Variants in DIAPH2 observed in about 807,000 individuals in gnomAD.
The protein encoded by DIAPH2 is protein diaphanous homolog 2.
DIAPH2 carries 35 observed loss-of-function variants against 92.7 expected under a neutral mutation model. The ratio of observed to expected loss-of-function variants is 0.38; its 90% CI spans 0.29 to 0.50. DIAPH2 has a LOEUF of 0.50. Ranked by LOEUF, DIAPH2 falls within the 20% of genes least tolerant of loss-of-function variation. DIAPH2 has a pLI of 0.94. For synonymous variants in DIAPH2, 301 were observed against 280.4 expected (o/e 1.07, Z -0.73); for missense variants, 701 against 819.5 (o/e 0.86, Z 1.77).
chrX:97,234,163 A>G (rs2068028914), intron 22 of DIAPH2, among the ~76,000 whole-genome samples: 1 of 67,517 alleles, frequency 1.5e-5, no homozygotes, highest in African/African-American at 4.7e-5. Flanking sequence ...GTCTCTACTA[A>G]AAATACAAAA....
chrX:96,778,520 A>G (rs1229042282), intron 4 of DIAPH2, among the ~76,000 whole-genome samples: 2 of 110,860 alleles, frequency 1.8e-5, no homozygotes, highest in South Asian at 3.8e-4. Context: ...TCCTATATAA[A>G]CATAGTTTAA....
chrX:96,854,875 G>A (rs2065030220), intron 4 of DIAPH2, among the ~76,000 whole-genome samples: 1 of 107,317 alleles, frequency 9.3e-6, no homozygotes, highest in Non-Finnish European at 1.9e-5. Context: ...CTAAAGCTGT[G>A]GAAGGGTAAA....
chrX:97,593,479 A>G (rs2071530362), intron 26 of DIAPH2, among the ~76,000 whole-genome samples: 1 of 101,943 alleles, frequency 9.8e-6, no homozygotes, highest in Non-Finnish European at 2.0e-5. Flanking sequence ...AGTTACATGT[A>G]AAAAAAAAAA....
intron 4 of DIAPH2, among the ~76,000 whole-genome samples, chrX:96,866,556 C>T (rs943082601): frequency 2.7e-5 from 3 of 111,256 alleles, no homozygotes; most frequent in African/African-American, 9.8e-5. Context: ...GGCAGCAGAG[C>T]CCACTAACTG....
intron 17 of DIAPH2, among the ~76,000 whole-genome samples, chrX:97,048,059 T>C (rs950554726): frequency 1.1e-4 from 12 of 111,156 alleles, no homozygotes; most frequent in Non-Finnish European, 2.3e-4. Flanking sequence ...AAAGACCAGT[T>C]ATACATTACC....
At chrX:97,082,475 T>C in intron 19 of DIAPH2, among the ~76,000 whole-genome samples, 1 of 93,283 alleles carries the variant, frequency 1.1e-5, no homozygotes, top group Non-Finnish European at 2.2e-5. Flanking sequence ...AAAAAAAAAA[T>C]ACAAAAATTA....
intron 26 of DIAPH2, among the ~76,000 whole-genome samples, chrX:97,570,112 A>G (rs1420762977): frequency 6.3e-5 from 2 of 31,863 alleles, no homozygotes; most frequent in African/African-American, 1.0e-4. Flanking sequence ...ATATATATAT[A>G]TATATATATA....
At chrX:97,404,856 A>T (rs1484323737) in intron 25 of DIAPH2, among the ~76,000 whole-genome samples, 1 of 112,503 alleles carries the variant, frequency 8.9e-6, no homozygotes, top group African/African-American at 3.2e-5. Context: ...TACCTGATAA[A>T]TTCTAATACA....
intron 26 of DIAPH2, among the ~76,000 whole-genome samples, chrX:97,567,830 C>T (rs1267133362): frequency 9.0e-6 from 1 of 110,655 alleles, no homozygotes; most frequent in Non-Finnish European, 1.9e-5. Flanking sequence ...ATTTAAAAAA[C>T]TGTATATTGT....
At chrX:97,149,767 A>C (rs780256226) in intron 22 of DIAPH2, among the ~76,000 whole-genome samples, 1 of 105,943 alleles carries the variant, frequency 9.4e-6, no homozygotes, top group South Asian at 4.3e-4. Flanking sequence ...CAAGTAACTT[A>C]AACAATTTTT....
At chrX:97,414,050 T>C (rs762121028) in intron 25 of DIAPH2, among the ~76,000 whole-genome samples, 1 of 111,810 alleles carries the variant, frequency 8.9e-6, no homozygotes, top group Non-Finnish European at 1.9e-5. Flanking sequence ...TGGAAAAAAC[T>C]ATTTTACAGT....
intron 17 of DIAPH2, among the ~76,000 whole-genome samples, chrX:96,979,689 A>G (rs2065982156): frequency 8.9e-6 from 1 of 112,341 alleles, no homozygotes; most frequent in South Asian, 3.7e-4. Flanking sequence ...GCTTCTGGCA[A>G]ATATAAGTAT....
At chrX:97,085,117 A>G (rs1434692027) in intron 19 of DIAPH2, among the ~76,000 whole-genome samples, 2 of 111,515 alleles carry the variant, frequency 1.8e-5, no homozygotes, top group African/African-American at 6.5e-5. Flanking sequence ...TTTTTTGTTT[A>G]GATTTTGTTT....
At chrX:96,913,340 T>C (rs2065481221) in intron 7 of DIAPH2, among the ~76,000 whole-genome samples, 1 of 111,817 alleles carries the variant, frequency 8.9e-6, no homozygotes, top group Non-Finnish European at 1.9e-5. Flanking sequence ...GTATACTAAA[T>C]GTTCAGAAAA....
chrX:96,836,807 A>G (rs1177848579), intron 4 of DIAPH2, among the ~76,000 whole-genome samples: 1 of 84,580 alleles, frequency 1.2e-5, no homozygotes, highest in Non-Finnish European at 2.2e-5. Flanking sequence ...GGCTCACTGC[A>G]AGCTCCGCCT....
chrX:97,551,570 G>A (rs1746441971), intron 26 of DIAPH2, among the ~76,000 whole-genome samples: 2 of 106,747 alleles, frequency 1.9e-5, no homozygotes, highest in Non-Finnish European at 3.9e-5. Flanking sequence ...TCCAGCCAGG[G>A]CAACAAGAAC....
At chrX:97,369,384 A>G (rs2069419928) in intron 24 of DIAPH2, among the ~76,000 whole-genome samples, 1 of 110,873 alleles carries the variant, frequency 9.0e-6, no homozygotes, top group South Asian at 3.9e-4. Flanking sequence ...TGAAGTCTCC[A>G]ATTTAATCTG....
chrX:97,448,085 A>C (rs2070328213), intron 26 of DIAPH2, among the ~76,000 whole-genome samples: 1 of 112,394 alleles, frequency 8.9e-6, no homozygotes, highest in Non-Finnish European at 1.9e-5. Flanking sequence ...GATTTAACTT[A>C]TTCAATTTTG....
chrX:97,239,824 T>C (rs1045406616), intron 22 of DIAPH2, among the ~76,000 whole-genome samples: 2 of 99,344 alleles, frequency 2.0e-5, no homozygotes, highest in African/African-American at 7.4e-5. Context: ...CCCTGCAACC[T>C]CTAGTAAAAA....
Sources: allele counts gnomAD v4.1 joint callset (sites outside exome capture counted in the v4.1 genomes callset), GRCh38; gene constraint gnomAD v4.1.1; transcripts MANE v1.5; gene names NCBI Gene and HGNC (gene_info 2026-07-23, HGNC 2026-07-21).